The following CASZ1 variants were observed in gnomAD, a reference collection of about 807,000 sequenced individuals.
CASZ1 encodes zinc finger protein castor homolog 1.
In CASZ1, 28 loss-of-function variants were observed where a neutral mutation model predicts 135.2. That is an observed-to-expected ratio of 0.21 (90% confidence interval 0.15 to 0.28). CASZ1 has a LOEUF of 0.28. Ranked by LOEUF, CASZ1 falls within the 10% of genes least tolerant of loss-of-function variation. The pLI, the probability that CASZ1 is intolerant of heterozygous loss-of-function variation, is 1.00. For synonymous variants in CASZ1, 1,068 were observed against 1,073.4 expected (o/e 0.99, Z 0.10); for missense variants, 2,161 against 2,453.3 (o/e 0.88, Z 2.52).
At position 10,646,053 on chromosome 1, in the gene CASZ1, T is replaced by C; in HGVS notation, c.3696+75A>G. On this transcript the variant is annotated intron_variant, in intron 17 of 20. Coordinates refer to ENST00000377022, the MANE Select transcript of CASZ1 (RefSeq NM_001079843.3). The surrounding 1 kb of genome is among the most constrained non-coding windows in gnomAD (Gnocchi z 6.4). ...AATGGAGCCTCTGCCAGGAGGTGAC[T>C]GTCCTGTGCCCTGAGCTAGCCCTGC... is the stretch of plus-strand genomic sequence containing the variant. 7.1e-7 allele frequency: 1 copy of C among 1,407,936 alleles called. No individual in the cohort carries two copies. The highest frequency in any genetic ancestry group is 2.3e-5 in the East Asian group (1 of 43,142). 87.2% of individuals were successfully genotyped at this position (1,407,936 alleles called of 1,614,324 possible).
At position 10,755,030 on chromosome 1, in the gene CASZ1, A is replaced by G. The variant is rs1468914601; in HGVS notation, c.-77+5671T>C. On this transcript the variant is annotated intron_variant, in intron 2 of 20. Coordinates refer to ENST00000377022, the MANE Select transcript of CASZ1 (RefSeq NM_001079843.3). This position sits in a 1 kb window ranked among gnomAD's most constrained non-coding sequence, Gnocchi z 4.3. Reference sequence around the variant, plus strand: ...TCAGAAAAGCCCCTGCTTCGGAGGAAAGCCAAGGAGCCGGACCAGAGAGAA... The same window carrying G: ...TCAGAAAAGCCCCTGCTTCGGAGGAGAGCCAAGGAGCCGGACCAGAGAGAA... Among the ~76,000 whole-genome samples, 2 of 152,186 alleles carry G rather than the reference A, an allele frequency of 1.3e-5. No homozygotes were observed. The highest frequency in any genetic ancestry group is 4.8e-5 in the African/African-American group (2 of 41,442).
In CASZ1 at chr1:10,759,765, G is replaced by C. The variant is rs1640333719; in HGVS notation, c.-77+936C>G. Among the ~76,000 whole-genome samples the C allele has an allele frequency of 1.3e-5, 2 of 152,112 alleles. No individual in the cohort carries two copies. The highest frequency in any genetic ancestry group is 2.4e-5 in the African/African-American group (1 of 41,398). On this transcript the variant is annotated intron_variant, in intron 2 of 20. Transcript: ENST00000377022. The surrounding 1 kb of genome is among the most constrained non-coding windows in gnomAD (Gnocchi z 4.2). ...CCATGGGGAGGAAGAGCGCAGGCAGGTGAGCCAGGGACACCGGCTCCAGGC... is the reference window on the plus strand; with the variant it reads ...CCATGGGGAGGAAGAGCGCAGGCAGCTGAGCCAGGGACACCGGCTCCAGGC...
intron 8 of CASZ1, 132 bp downstream of exon 8, chr1:10,656,514 C>T (rs975368899): frequency 2.6e-5 from 18 of 682,280 alleles, no homozygotes; most frequent in Non-Finnish European, 4.7e-5. Flanking sequence ...GGGCCCTCTA[C>T]CTGCTCAAGT....
At chr1:10,691,316 C>T (rs1638760463) in intron 4 of CASZ1, among the ~76,000 whole-genome samples, 1 of 152,202 alleles carries the variant, frequency 6.6e-6, no homozygotes, top group African/African-American at 2.4e-5. Context: ...TGATCCAGCC[C>T]TTGGCTGAAC....
rs977177068 is a variant in CASZ1 at position 10,665,670 on chromosome 1, C to T, written c.17-99G>A. On this transcript the variant is annotated intron_variant, in intron 4 of 20. Coordinates refer to ENST00000377022, the MANE Select transcript of CASZ1 (RefSeq NM_001079843.3). ...TGCATCCCCCAAGCTGCAGGCCTCC[C>T]CCATTGACCACAGTGCCATCAAACT... 1.9e-5 allele frequency: 25 copies of T among 1,344,842 alleles called. No individual in the cohort carries two copies. The African/African-American group carries it at 2.9e-4, about 16-fold the overall frequency. 83.3% of individuals were successfully genotyped at this position (1,344,842 alleles called of 1,614,324 possible).
At chr1:10,778,082 T>C (rs1180397358) in intron 1 of CASZ1, among the ~76,000 whole-genome samples, 5 of 150,676 alleles carry the variant, frequency 3.3e-5, no homozygotes, top group African/African-American at 1.2e-4. Flanking sequence ...CACAATCTCA[T>C]AGTCACACCA....
At chr1:10,681,429 C>A (rs1638417498) in intron 4 of CASZ1, among the ~76,000 whole-genome samples, 1 of 152,172 alleles carries the variant, frequency 6.6e-6, no homozygotes, top group Non-Finnish European at 1.5e-5. Context: ...AGCACGCTGC[C>A]CCCTCAGCGG....
In CASZ1 at chr1:10,653,993, G is replaced by A. The variant is rs202202003; in HGVS notation, c.2064C>T (p.His688=). The A allele has an allele frequency of 7.1e-4, 1,142 of 1,614,168 alleles. 11 individuals carry two copies. Among genetic ancestry groups the A allele is most frequent in the Non-Finnish European group, 8.8e-5 (104 of 1,180,006 alleles). ...TFTSTSQMTS[H]KRKHERRHIR... is the part of the protein sequence containing the mutation. ...TGTGCCGGCGCTCATGCTTGCGCTT[G>A]TGAGAGGTCATCTGGCTGGTGGAGG... is the stretch of plus-strand genomic sequence containing the variant. Residue 688 remains histidine, a synonymous_variant, in exon 11 of 21, where the codon CAC becomes CAT. Coordinates refer to ENST00000377022, the MANE Select transcript of CASZ1 (RefSeq NM_001079843.3).
intron 1 of CASZ1, among the ~76,000 whole-genome samples, chr1:10,795,807 G>T (rs925368994): frequency 6.6e-6 from 1 of 152,080 alleles, no homozygotes; most frequent in African/African-American, 2.4e-5. Context: ...AGGGGGCGCC[G>T]CTCCCCCCAT....
intron 1 of CASZ1, among the ~76,000 whole-genome samples, chr1:10,770,480 A>C (rs1640556407): frequency 1.3e-5 from 2 of 152,320 alleles, no homozygotes; most frequent in African/African-American, 4.8e-5. Context: ...AGGCCCTAAA[A>C]GGAGGTAATT....
intron 2 of CASZ1, among the ~76,000 whole-genome samples, chr1:10,748,043 C>T (rs981131598): frequency 6.6e-6 from 1 of 152,182 alleles, no homozygotes; most frequent in Non-Finnish European, 1.5e-5. Context: ...TGGTCTTGAT[C>T]TCCTGACCTC....
At chr1:10,744,961 C>G (rs1372610751) in intron 2 of CASZ1, among the ~76,000 whole-genome samples, 1 of 152,170 alleles carries the variant, frequency 6.6e-6, no homozygotes, top group East Asian at 1.9e-4. Context: ...CACTCCAAGT[C>G]CCCAGCAACC....
chr1:10,775,452 T>C (rs1467058118), intron 1 of CASZ1, among the ~76,000 whole-genome samples: 1 of 152,054 alleles, frequency 6.6e-6, no homozygotes, highest in Admixed American at 6.6e-5. Flanking sequence ...TGTGAAGGCA[T>C]GCGGGGGGAT....
At chr1:10,748,383 G>A (rs534707159) in intron 2 of CASZ1, among the ~76,000 whole-genome samples, 6 of 152,336 alleles carry the variant, frequency 3.9e-5, no homozygotes, top group Admixed American at 3.9e-4. Context: ...TTAGGAGTGG[G>A]CCTAACAGTG....
chr1:10,759,460 T>C lies in CASZ1; in HGVS notation c.-77+1241A>G, dbSNP rs1345732195. 6.6e-6 allele frequency among the ~76,000 whole-genome samples: 1 copy of C among 152,162 alleles called. No homozygotes were observed. Among genetic ancestry groups the C allele is most frequent in the Non-Finnish European group, 1.5e-5 (1 of 68,034 alleles). On this transcript the variant is annotated intron_variant, in intron 2 of 20. Coordinates refer to ENST00000377022, the MANE Select transcript of CASZ1 (RefSeq NM_001079843.3). This position sits in a 1 kb window ranked among gnomAD's most constrained non-coding sequence, Gnocchi z 4.2. ...CAACTTCAGGAGCATGATCACCTTC[T>C]GCACACCAGGAAGAAGAGTCGCAGC...
intron 2 of CASZ1, among the ~76,000 whole-genome samples, chr1:10,715,159 G>T (rs1189569123): frequency 2.0e-5 from 3 of 152,186 alleles, no homozygotes; most frequent in Admixed American, 1.3e-4. Flanking sequence ...CCGCATAACT[G>T]CCCCAGAAGC....
rs189116359 is a variant in CASZ1 at position 10,677,623 on chromosome 1, C to T, written c.17-12052G>A. On this transcript the variant is annotated intron_variant, in intron 4 of 20. Transcript: ENST00000377022. ...TTAGACCTGGAAAGGGACCGAGGTC[C>T]AAGAGGCTGAGAAACTTGGCAAAAG... Among the ~76,000 whole-genome samples the T allele has an allele frequency of 2.2e-3, 338 of 152,306 alleles. 1 individual carries two copies. Among genetic ancestry groups the T allele is most frequent in the Non-Finnish European group, 3.1e-3 (214 of 68,020 alleles).
At chr1:10,695,685 C>G (rs964686824) in intron 3 of CASZ1, among the ~76,000 whole-genome samples, 1 of 151,998 alleles carries the variant, frequency 6.6e-6, no homozygotes, top group East Asian at 1.9e-4. Context: ...GCTGCCCGTG[C>G]TCCTCTTTCT....
rs1210908880 is a variant in CASZ1 at position 10,699,047 on chromosome 1, T to C, written c.-23-5135A>G. 6.6e-6 allele frequency among the ~76,000 whole-genome samples: 1 copy of C among 152,126 alleles called. No individual in the cohort carries two copies. Among genetic ancestry groups the C allele is most frequent in the Non-Finnish European group, 1.5e-5 (1 of 68,026 alleles). Reference sequence around the variant, plus strand: ...TTGGGGGTGGGAGCAAGATGGAGCCTGGGGTTGGGGGTGGACAGGTATCAC... The same window carrying C: ...TTGGGGGTGGGAGCAAGATGGAGCCCGGGGTTGGGGGTGGACAGGTATCAC... On this transcript the variant is annotated intron_variant, in intron 3 of 20. Coordinates refer to ENST00000377022, the MANE Select transcript of CASZ1 (RefSeq NM_001079843.3). The surrounding 1 kb of genome is among the most constrained non-coding windows in gnomAD (Gnocchi z 4.6).
Sources: allele counts gnomAD v4.1 joint callset (sites outside exome capture counted in the v4.1 genomes callset), GRCh38; gene constraint gnomAD v4.1.1; non-coding constraint Gnocchi (gnomAD v3.1); transcripts MANE v1.5; gene names NCBI Gene and HGNC (gene_info 2026-07-23, HGNC 2026-07-21).